Variants in CIAPIN1 observed in about 807,000 individuals in gnomAD.
CIAPIN1 encodes anamorsin.
CIAPIN1 carries 18 observed loss-of-function variants against 34.3 expected under a neutral mutation model. The ratio of observed to expected loss-of-function variants is 0.52; its 90% CI spans 0.36 to 0.78. The LOEUF (loss-of-function observed/expected upper bound fraction) is 0.78. Among genes scored for constraint, CIAPIN1 ranks in the 30% least tolerant of loss-of-function variants. The pLI, the probability that CIAPIN1 is intolerant of heterozygous loss-of-function variation, is 0.00. For missense variants in CIAPIN1, 310 were observed against 372.5 expected (o/e 0.83, Z 1.38); for synonymous variants, 131 against 140.4 (o/e 0.93, Z 0.47).
intron 7 of CIAPIN1, 131 bp downstream of exon 7, chr16:57,431,019 AT>A (rs1903074516): frequency 1.9e-6 from 1 of 521,666 alleles, no homozygotes; most frequent in Non-Finnish European, 3.4e-6. Flanking sequence ...TTTTTTAATT[AT>A]TTGCAGAGAT....
chr16:57,432,587 C>T, intron 5 of CIAPIN1, 27 bp from the exon 6 acceptor site: 1 of 1,594,890 alleles, frequency 6.3e-7, no homozygotes, highest in South Asian at 1.1e-5. Flanking sequence ...AAAGAAAAAA[C>T]TCCATAAACA....
chr16:57,433,303 C>T (rs1015442809), intron 5 of CIAPIN1, among the ~76,000 whole-genome samples: 1 of 152,224 alleles, frequency 6.6e-6, no homozygotes, highest in Non-Finnish European at 1.5e-5. Context: ...CAGCTGGATG[C>T]TCATACCTTC....
Position 57,429,130 on chromosome 16 carries a change from G to T in CIAPIN1, c.*40C>A, listed in dbSNP as rs370290851. On this transcript the variant is annotated 3_prime_UTR_variant, in exon 9 of 9. Coordinates refer to ENST00000394391, the MANE Select transcript of CIAPIN1 (RefSeq NM_020313.4). ...CCATGGTGGGATGTGAGGGACAGGAGTTGGCTGGAGGAGCAGATGGGTCCC... is the reference window on the plus strand; with the variant it reads ...CCATGGTGGGATGTGAGGGACAGGATTTGGCTGGAGGAGCAGATGGGTCCC... 7.9e-6 allele frequency: 11 copies of T among 1,397,272 alleles called. No individual in the cohort carries two copies. Among genetic ancestry groups the T allele is most frequent in the Non-Finnish European group, 1.1e-5 (11 of 984,768 alleles). The allele number at this position is 1,397,272 out of a possible 1,614,324, so 86.6% of individuals were successfully genotyped here.
intron 1 of CIAPIN1, among the ~76,000 whole-genome samples, chr16:57,446,914 T>A (rs1259921925): frequency 6.6e-6 from 1 of 152,338 alleles, no homozygotes; most frequent in African/African-American, 2.4e-5. Flanking sequence ...TCCAAGGCTT[T>A]CGTGCTTTGC....
chr16:57,435,615 A>G (rs975936515), intron 4 of CIAPIN1, among the ~76,000 whole-genome samples: 3 of 152,184 alleles, frequency 2.0e-5, no homozygotes, highest in African/African-American at 7.2e-5. Context: ...CAACATAGCG[A>G]AACCCCATCT....
At position 57,439,113 on chromosome 16, in the gene CIAPIN1, G is replaced by A. The variant is rs116211830; in HGVS notation, c.310+69C>T. On this transcript the variant is annotated intron_variant, in intron 3 of 8. Coordinates refer to ENST00000394391, the MANE Select transcript of CIAPIN1 (RefSeq NM_020313.4). ...TCTCCCAATGATACCTCCTGCTCACGGAGATGCAGCACACATACTCTAAGA... is the reference window on the plus strand; with the variant it reads ...TCTCCCAATGATACCTCCTGCTCACAGAGATGCAGCACACATACTCTAAGA... The A allele has an allele frequency of 1.0e-3, 1,516 of 1,501,606 alleles. 12 individuals carry two copies. In the African/African-American group the frequency reaches 0.017, roughly 17 times the overall value. The allele number at this position is 1,501,606 out of a possible 1,614,324, so 93.0% of individuals were successfully genotyped here.
At chr16:57,430,867 G>C (rs150932414) in intron 7 of CIAPIN1, among the ~76,000 whole-genome samples, 10 of 152,286 alleles carry the variant, frequency 6.6e-5, no homozygotes, top group African/African-American at 2.4e-4. Flanking sequence ...GTAGGGTTTT[G>C]AGGGAGAGTG....
Position 57,440,758 on chromosome 16 carries a change from G to A in CIAPIN1, c.157+14C>T, listed in dbSNP as rs1328642513. 1.2e-6 allele frequency: 2 copies of A among 1,605,242 alleles called. No individual in the cohort carries two copies. Among genetic ancestry groups the A allele is most frequent in the Admixed American group, 1.7e-5 (1 of 58,646 alleles). On this transcript the variant is annotated intron_variant, in intron 2 of 8. Transcript: ENST00000394391. The stretch of plus-strand genomic sequence containing the variant: ...CCCTCCAGCCTCATAAAGACAACGT[G>A]GGTGGGTACTTACATTGCAACAGCT...
At chr16:57,433,590 G>A (rs1903136937) in intron 5 of CIAPIN1, 1 of 205,482 alleles carries the variant, frequency 4.9e-6, no homozygotes, top group African/African-American at 2.4e-5. Context: ...TTTCTAGTCA[G>A]AAGAAATATA....
At chr16:57,438,379 A>C (rs770209086) in intron 3 of CIAPIN1, among the ~76,000 whole-genome samples, 1 of 152,186 alleles carries the variant, frequency 6.6e-6, no homozygotes, top group Non-Finnish European at 1.5e-5. Context: ...CTATTTTTAA[A>C]CTTTTAATTT....
intron 2 of CIAPIN1, among the ~76,000 whole-genome samples, chr16:57,439,806 C>T (rs1178512401): frequency 6.6e-6 from 1 of 152,214 alleles, no homozygotes; most frequent in Non-Finnish European, 1.5e-5. Context: ...CCGTCATCTT[C>T]ATAAGCTGAG....
chr16:57,446,746 A>G (rs1409539709), intron 1 of CIAPIN1, among the ~76,000 whole-genome samples: 1 of 152,204 alleles, frequency 6.6e-6, no homozygotes, highest in Non-Finnish European at 1.5e-5. Flanking sequence ...CCACACCCAG[A>G]CCCACTCAAT....
chr16:57,441,945 T>C (rs1330947239), intron 1 of CIAPIN1, among the ~76,000 whole-genome samples: 1 of 152,260 alleles, frequency 6.6e-6, no homozygotes, highest in Non-Finnish European at 1.5e-5. Context: ...ATTAGTTTTA[T>C]GTTGAACACT....
At chr16:57,429,328 A>C (rs780428942) in intron 8 of CIAPIN1, 48 bp from the exon 9 acceptor site, 1 of 1,291,278 alleles carries the variant, frequency 7.7e-7, no homozygotes. Context: ...TCCCAGGCAT[A>C]CCAGCCAGAA....
intron 6 of CIAPIN1, 51 bp downstream of exon 6, chr16:57,432,436 C>A: frequency 6.4e-7 from 1 of 1,562,818 alleles, no homozygotes; most frequent in Non-Finnish European, 8.8e-7. Flanking sequence ...CTGTTCACAC[C>A]CAAACTGGGG....
chr16:57,439,725 G>A (rs1265482539), intron 2 of CIAPIN1, among the ~76,000 whole-genome samples: 1 of 152,180 alleles, frequency 6.6e-6, no homozygotes, highest in African/African-American at 2.4e-5. Context: ...AAGATTTCAT[G>A]GACATTTATC....
chr16:57,438,523 G>A (rs1272906598), intron 3 of CIAPIN1, among the ~76,000 whole-genome samples: 1 of 152,194 alleles, frequency 6.6e-6, no homozygotes, highest in Non-Finnish European at 1.5e-5. Context: ...CCGGGAAATT[G>A]ATATTGATGG....
At chr16:57,431,960 T>A (rs1262643140) in intron 6 of CIAPIN1, among the ~76,000 whole-genome samples, 2 of 152,158 alleles carry the variant, frequency 1.3e-5, no homozygotes, top group Non-Finnish European at 2.9e-5. Flanking sequence ...TTTCAACATA[T>A]CGTATGAAGT....
At chr16:57,437,806 G>A (rs1903238884) in intron 3 of CIAPIN1, among the ~76,000 whole-genome samples, 1 of 152,178 alleles carries the variant, frequency 6.6e-6, no homozygotes, top group South Asian at 2.1e-4. Context: ...GATTACAGGT[G>A]TGAGCCACTG....
Sources: allele counts gnomAD v4.1 joint callset (sites outside exome capture counted in the v4.1 genomes callset), GRCh38; gene constraint gnomAD v4.1.1; transcripts MANE v1.5; gene names NCBI Gene and HGNC (gene_info 2026-07-23, HGNC 2026-07-21).